Variants in GALNT6 observed in about 807,000 individuals in gnomAD.
GALNT6 encodes polypeptide N-acetylgalactosaminyltransferase 6, also known as GalNAc transferase 6.
Under a neutral mutation model 65.9 loss-of-function variants are expected in GALNT6, and 51 were observed. The ratio of observed to expected loss-of-function variants is 0.77; its 90% confidence interval spans 0.62 to 0.98. GALNT6 has a LOEUF of 0.98. Among genes scored for constraint, GALNT6 ranks in the 50% least tolerant of loss-of-function variants. GALNT6 has a pLI of 0.00. For missense variants in GALNT6, 708 were observed against 803.3 expected (o/e 0.88, Z 1.43); for synonymous variants, 323 against 315.1 (o/e 1.02, Z -0.26).
intron 8 of GALNT6, 53 bp downstream of exon 8, chr12:51,359,079 T>G: frequency 7.1e-7 from 1 of 1,415,806 alleles, no homozygotes; most frequent in South Asian, 1.2e-5. Context: ...GAACAGGGTC[T>G]GGGGGCCGTA....
At chr12:51,370,850 A>G (rs1379933415) in intron 4 of GALNT6, among the ~76,000 whole-genome samples, 1 of 152,020 alleles carries the variant, frequency 6.6e-6, no homozygotes. Context: ...GTGAGACCCC[A>G]TCTTATTAAA....
chr12:51,370,314 G>T (rs1369832198), intron 4 of GALNT6, among the ~76,000 whole-genome samples: 1 of 152,028 alleles, frequency 6.6e-6, no homozygotes, highest in African/African-American at 2.4e-5. Flanking sequence ...GGAGGCCAAG[G>T]TGGGTGGATC....
At position 51,387,167 on chromosome 12, in the gene GALNT6, G is replaced by C. The variant is rs999564354; in HGVS notation, c.-104+3683C>G. ...TACTGGAGTGCAGTGGCGGGATCTC[G>C]GCTCACTGCAACCTCCGACTCCTGG... On this transcript the variant is annotated intron_variant, in intron 2 of 11. Transcript: ENST00000356317. The surrounding 1 kb of genome is among the most constrained non-coding windows in gnomAD (Gnocchi z 4.2). Among the ~76,000 whole-genome samples the C allele has an allele frequency of 2.0e-5, 3 of 151,736 alleles. No individual in the cohort carries two copies. Among genetic ancestry groups the C allele is most frequent in the African/African-American group, 7.3e-5 (3 of 41,276 alleles).
chr12:51,383,790 G>A (rs1021073326), intron 2 of GALNT6, among the ~76,000 whole-genome samples: 1 of 152,106 alleles, frequency 6.6e-6, no homozygotes, highest in Non-Finnish European at 1.5e-5. Flanking sequence ...GCAACAGGAA[G>A]AGTCCCTTAG....
chr12:51,371,038 C>T (rs974510400), intron 4 of GALNT6, among the ~76,000 whole-genome samples: 4 of 142,892 alleles, frequency 2.8e-5, no homozygotes, highest in Non-Finnish European at 4.6e-5. Context: ...AATTTGGTCC[C>T]GCTAGCCTTT....
At chr12:51,380,652 G>A (rs868652094) in intron 2 of GALNT6, among the ~76,000 whole-genome samples, 12 of 152,176 alleles carry the variant, frequency 7.9e-5, no homozygotes, top group Non-Finnish European at 5.9e-5. Flanking sequence ...TTAGCTGGGC[G>A]TGGTAGCGCA....
intron 7 of GALNT6, chr12:51,360,104 G>A (rs1018962836): frequency 6.6e-6 from 1 of 152,180 alleles, no homozygotes; most frequent in African/African-American, 2.4e-5. Context: ...ACTTTTCCAT[G>A]GCATGGAGAT....
At chr12:51,385,712 C>T (rs532104636) in intron 2 of GALNT6, among the ~76,000 whole-genome samples, 15 of 152,300 alleles carry the variant, frequency 9.8e-5, no homozygotes, top group Non-Finnish European at 1.8e-4. Context: ...TATTTGTACT[C>T]CAGTCTCATC....
At chr12:51,383,501 C>T (rs1244105167) in intron 2 of GALNT6, 4 of 152,232 alleles carry the variant, frequency 2.6e-5, no homozygotes, top group Non-Finnish European at 5.9e-5. Context: ...CTCAGAATCA[C>T]CTAGGTTACT....
intron 6 of GALNT6, among the ~76,000 whole-genome samples, chr12:51,362,996 C>A (rs1227744094): frequency 6.6e-6 from 1 of 152,098 alleles, no homozygotes; most frequent in Non-Finnish European, 1.5e-5. Flanking sequence ...GGCCACTGTG[C>A]CTGGCATGGA....
chr12:51,351,817 C>T lies in GALNT6; in HGVS notation c.*2562G>A, dbSNP rs1417950199. On this transcript the variant is annotated 3_prime_UTR_variant, in exon 12 of 12. Transcript: ENST00000356317. ...CAGATGTGTGTGGTTCTTCATAGCC[C>T]AAATCAACTGATTCAGCTAAGGGAC... The T allele has an allele frequency of 6.6e-6, 1 of 152,150 alleles. No homozygotes were observed. Among genetic ancestry groups the T allele is most frequent in the East Asian group, 1.9e-4 (1 of 5,198 alleles). 9.4% of individuals were successfully genotyped at this position (152,150 alleles called of 1,614,324 possible). A position where few individuals can be genotyped will look rare whatever the true frequency, so the allele number is the denominator to read the frequency against.
At chr12:51,357,546 C>A (rs1946788657) in intron 9 of GALNT6, 96 bp from the exon 10 acceptor site, 2 of 767,796 alleles carry the variant, frequency 2.6e-6, no homozygotes, top group Admixed American at 3.9e-5. Flanking sequence ...TTCCAGTCAA[C>A]TGCAACAAAT....
At chr12:51,369,374 C>G (rs1279707816) in intron 4 of GALNT6, among the ~76,000 whole-genome samples, 2 of 152,200 alleles carry the variant, frequency 1.3e-5, no homozygotes, top group African/African-American at 4.8e-5. Flanking sequence ...GTTCCACCCC[C>G]AGACCTACTG....
intron 3 of GALNT6, among the ~76,000 whole-genome samples, chr12:51,377,828 G>T (rs944510574): frequency 2.0e-5 from 3 of 152,174 alleles, no homozygotes; most frequent in Non-Finnish European, 4.4e-5. Context: ...AGAAGAAAAG[G>T]CTCTTCCCTT....
At position 51,354,198 on chromosome 12, in the gene GALNT6, T is replaced by G. The variant is rs2137513970; in HGVS notation, c.*181A>C. On this transcript the variant is annotated 3_prime_UTR_variant, in exon 12 of 12. Transcript: ENST00000356317. ...GTCCTAATGGTCTCTTCCATCGGTG[T>G]GAAGGAAAGAAAATGGGCCCAATGT... The G allele has an allele frequency of 1.9e-6, 1 of 526,534 alleles. No homozygotes were observed. Among genetic ancestry groups the G allele is most frequent in the East Asian group, 3.5e-5 (1 of 28,498 alleles). The allele number at this position is 526,534 out of a possible 1,614,324, so 32.6% of individuals were successfully genotyped here.
At chr12:51,361,755 T>C (rs913386968) in intron 6 of GALNT6, among the ~76,000 whole-genome samples, 30 of 151,874 alleles carry the variant, frequency 2.0e-4, no homozygotes, top group African/African-American at 6.5e-4. Flanking sequence ...CGGTGAGACA[T>C]GGCAGGAGCA....
chr12:51,388,239 A>G, intron 2 of GALNT6, among the ~76,000 whole-genome samples: 1 of 152,168 alleles, frequency 6.6e-6, no homozygotes, highest in Non-Finnish European at 1.5e-5. Context: ...TTTATCAACT[A>G]GCATCTGGAG....
chr12:51,390,158 T>TTCTG (rs148605958), intron 2 of GALNT6, among the ~76,000 whole-genome samples: 1 of 71,554 alleles, frequency 1.4e-5, no homozygotes, highest in East Asian at 3.3e-4. Context: ...CTTTCTTTCT[T>TTCTG]TTTTTTTTTT....
intron 1 of GALNT6, 55 bp downstream of exon 1, chr12:51,391,232 G>A: frequency 6.5e-6 from 1 of 153,232 alleles, no homozygotes; most frequent in Non-Finnish European, 1.5e-5. Context: ...GCAGGGCATG[G>A]GTGGGTGAGG....
Sources: allele counts gnomAD v4.1 joint callset (sites outside exome capture counted in the v4.1 genomes callset), GRCh38; gene constraint gnomAD v4.1.1; non-coding constraint Gnocchi (gnomAD v3.1); transcripts MANE v1.5; gene names NCBI Gene and HGNC (gene_info 2026-07-23, HGNC 2026-07-21).